Variants in MYH16 observed in about 807,000 individuals in gnomAD.
The protein encoded by MYH16 is putative uncharacterized protein MYH16.
At chr7:99,288,208 C>T (rs1020218381) in intron 29 of MYH16, 71 bp downstream of exon 10, 2 of 437,826 alleles carry the variant, frequency 4.6e-6, no homozygotes, top group East Asian at 1.4e-4. Context: ...GAGGCTGAGG[C>T]AGGAGGATTG....
intron 18 of MYH16, among the ~76,000 whole-genome samples, chr7:99,267,560 C>A (rs753819823): frequency 2.0e-5 from 3 of 152,178 alleles, no homozygotes; most frequent in Non-Finnish European, 4.4e-5. Flanking sequence ...ATAAAAAGGG[C>A]CAATGAGAAT....
At chr7:99,242,506 T>C (rs1036301866) in intron 1 of MYH16, among the ~76,000 whole-genome samples, 1 of 151,984 alleles carries the variant, frequency 6.6e-6, no homozygotes, top group Admixed American at 6.6e-5. Flanking sequence ...GGCATGGTGG[T>C]GTGCACCTGT....
Position 99,266,366 on chromosome 7 carries a change from C to A in MYH16, n.2146-488C>A, listed in dbSNP as rs145642214. Among the ~76,000 whole-genome samples the A allele has an allele frequency of 7.9e-5, 12 of 152,262 alleles. No individual in the cohort carries two copies. The East Asian group carries it at 1.9e-3, about 24-fold the overall frequency. On this transcript the variant is annotated intron_variant and non_coding_transcript_variant, in intron 17 of 41. Transcript: ENST00000439784. ...ACGAACACTGGGGTAACTAATACCC[C>A]CACCTTAGAGATGATCTTCTACCTC...
chr7:99,239,771 A>G (rs1001391168), intron 1 of MYH16, among the ~76,000 whole-genome samples: 1 of 152,200 alleles, frequency 6.6e-6, no homozygotes, highest in Non-Finnish European at 1.5e-5. Context: ...GGAAATGGGA[A>G]TATGCTGTAA....
intron 39 of MYH16, among the ~76,000 whole-genome samples, chr7:99,303,438 G>C (rs144293828): frequency 2.6e-4 from 39 of 152,270 alleles, no homozygotes; most frequent in Non-Finnish European, 5.3e-4. Context: ...CACAAGGCCC[G>C]GGGTCTTGCA....
intron 1 of MYH16, among the ~76,000 whole-genome samples, chr7:99,239,571 G>A (rs183774631): frequency 6.6e-5 from 10 of 152,138 alleles, no homozygotes; most frequent in South Asian, 4.1e-4. Flanking sequence ...GGCTTTTAAC[G>A]TGTTGCAAGG....
intron 32 of MYH16, 150 bp downstream of exon 13, chr7:99,292,658 A>G (rs1792404713): frequency 2.8e-6 from 1 of 360,972 alleles, no homozygotes; most frequent in Admixed American, 3.4e-5. Context: ...ATGTGTCTGG[A>G]CAAAGGAGCC....
chr7:99,291,602 G>C (rs566233385), intron 31 of MYH16, among the ~76,000 whole-genome samples, 152 bp downstream of exon 12: 1 of 144,802 alleles, frequency 6.9e-6, no homozygotes, highest in African/African-American at 2.6e-5. Context: ...AGACCAGCCC[G>C]AACAACACAG....
chr7:99,301,046 T>G (rs1792585908), intron 37 of MYH16, among the ~76,000 whole-genome samples: 1 of 151,516 alleles, frequency 6.6e-6, no homozygotes, highest in Non-Finnish European at 1.5e-5. Context: ...AATATAAAAA[T>G]TAGCCAGGTG....
intron 34 of MYH16, among the ~76,000 whole-genome samples, chr7:99,297,260 C>T (rs1051232785): frequency 6.6e-6 from 1 of 151,774 alleles, no homozygotes; most frequent in Admixed American, 6.6e-5. Flanking sequence ...GGTGAAACCC[C>T]GTCTCTACTA....
At chr7:99,256,717 G>A (rs1791876973) in intron 9 of MYH16, among the ~76,000 whole-genome samples, 1 of 152,246 alleles carries the variant, frequency 6.6e-6, no homozygotes, top group Non-Finnish European at 1.5e-5. Flanking sequence ...GGAGGTTGCA[G>A]TGAGCGGAGA....
chr7:99,284,554 A>G (rs1792250490), intron 25 of MYH16, among the ~76,000 whole-genome samples: 1 of 152,190 alleles, frequency 6.6e-6, no homozygotes, highest in Admixed American at 6.5e-5. Flanking sequence ...ATGCCACTGC[A>G]CTGCATTCTG....
intron 8 of MYH16, among the ~76,000 whole-genome samples, chr7:99,254,584 C>T (rs1163832296): frequency 6.6e-6 from 1 of 152,194 alleles, no homozygotes; most frequent in Non-Finnish European, 1.5e-5. Flanking sequence ...GCACACAGCT[C>T]AGAAAGTGGA....
chr7:99,309,779 G>T (rs1792734034), downstream of MYH16, among the ~76,000 whole-genome samples: 1 of 152,192 alleles, frequency 6.6e-6, no homozygotes, highest in Admixed American at 6.5e-5. Context: ...ATGCCATCAG[G>T]CTGCTATCCT....
intron 2 of MYH16, among the ~76,000 whole-genome samples, chr7:99,244,043 A>G (rs1294959855): frequency 6.6e-6 from 1 of 151,990 alleles, no homozygotes; most frequent in East Asian, 1.9e-4. Context: ...CTATCCAAAC[A>G]TCGATCCATA....
intron 18 of MYH16, among the ~76,000 whole-genome samples, chr7:99,269,262 T>G (rs1792020828): frequency 6.6e-6 from 1 of 151,748 alleles, no homozygotes; most frequent in African/African-American, 2.4e-5. Flanking sequence ...AATTTTGACA[T>G]GAACCATTCT....
At chr7:99,289,556 CAAGT>C (rs1467024494) in intron 30 of MYH16, among the ~76,000 whole-genome samples, 152 bp downstream of exon 11, 2 of 152,150 alleles carry the variant, frequency 1.3e-5, no homozygotes, top group Non-Finnish European at 2.9e-5. Flanking sequence ...CTGAATGTTC[CAAGT>C]AACATCTTTA....
chr7:99,265,592 C>A, exon 17 of MYH16: 1 of 154,034 alleles, frequency 6.5e-6, no homozygotes, highest in South Asian at 1.8e-4. Context: ...CCCACCTGAT[C>A]ATGCACCAGC....
intron 23 of MYH16, among the ~76,000 whole-genome samples, chr7:99,281,866 C>A (rs1292730476): frequency 6.6e-6 from 1 of 152,174 alleles, no homozygotes; most frequent in Non-Finnish European, 1.5e-5. Context: ...GTGGACCCCT[C>A]GTCCCTGTGT....
Sources: allele counts gnomAD v4.1 joint callset (sites outside exome capture counted in the v4.1 genomes callset), GRCh38; gene constraint gnomAD v4.1.1; transcripts MANE v1.5; gene names NCBI Gene and HGNC (gene_info 2026-07-23, HGNC 2026-07-21).